Variants in RCL1 observed in about 807,000 individuals in gnomAD.
RCL1 encodes the protein RNA 3'-terminal phosphate cyclase-like protein.
RCL1 carries 24 observed loss-of-function variants against 42.4 expected under a neutral mutation model. The ratio of observed to expected loss-of-function variants is 0.57; its 90% CI spans 0.41 to 0.80. RCL1 has a LOEUF of 0.80. Among genes scored for constraint, RCL1 ranks in the 30% least tolerant of loss-of-function variants. RCL1 has a pLI of 0.00. For synonymous variants in RCL1, 228 were observed against 177.3 expected, an observed-to-expected ratio of 1.29 and a Z score of -2.27; for missense variants, 578 against 467.9, an observed-to-expected ratio of 1.24 and a Z score of -2.17.
chr9:4,822,407 C>G (rs1816624216), intron 1 of RCL1, among the ~76,000 whole-genome samples: 1 of 152,170 alleles, frequency 6.6e-6, no homozygotes. Flanking sequence ...AAGATTAGCT[C>G]AGGGGAAGGA....
intron 7 of RCL1, among the ~76,000 whole-genome samples, chr9:4,846,834 G>A (rs114478735): frequency 0.018 from 2,780 of 152,116 alleles, 85 homozygotes; most frequent in African/African-American, 0.064. Flanking sequence ...CAGGGTAAAA[G>A]CACCTACCAC....
At chr9:4,800,211 C>CT (rs370374521) in intron 1 of RCL1, among the ~76,000 whole-genome samples, 45 of 145,972 alleles carry the variant, frequency 3.1e-4, no homozygotes, top group Admixed American at 5.5e-4. Flanking sequence ...ACAGGTTTTT[C>CT]TTTTTTTTTT....
intron 1 of RCL1, among the ~76,000 whole-genome samples, chr9:4,812,095 A>G (rs973703357): frequency 6.6e-6 from 1 of 152,172 alleles, no homozygotes; most frequent in African/African-American, 2.4e-5. Context: ...TCTGGTTATT[A>G]ATCCCTTGTT....
intron 1 of RCL1, among the ~76,000 whole-genome samples, chr9:4,819,169 C>T (rs985913971): frequency 4.6e-5 from 7 of 152,196 alleles, no homozygotes; most frequent in Non-Finnish European, 7.4e-5. Context: ...CCAGACAGGG[C>T]AGGGTTGGCA....
intron 1 of RCL1, among the ~76,000 whole-genome samples, chr9:4,794,751 T>G (rs1344108527): frequency 6.6e-6 from 1 of 152,116 alleles, no homozygotes; most frequent in Non-Finnish European, 1.5e-5. Flanking sequence ...TCCAATTTAA[T>G]ATTTAATGTT....
At chr9:4,826,787 C>T in intron 2 of RCL1, 71 bp from the exon 3 acceptor site, 1 of 1,352,774 alleles carries the variant, frequency 7.4e-7, no homozygotes, top group Non-Finnish European at 1.0e-6. Flanking sequence ...TTGGAACTCA[C>T]TGCCTTCATT....
intron 2 of RCL1, among the ~76,000 whole-genome samples, chr9:4,824,034 G>A (rs1816680346): frequency 2.0e-5 from 3 of 152,138 alleles, no homozygotes; most frequent in Non-Finnish European, 4.4e-5. Flanking sequence ...TTAGAAGACT[G>A]AAAATTTCAG....
At chr9:4,841,469 A>G in intron 6 of RCL1, 112 bp downstream of exon 6, 1 of 846,236 alleles carries the variant, frequency 1.2e-6, no homozygotes, top group African/African-American at 1.7e-5. Context: ...GAACAATTTC[A>G]GAATTAATTT....
intron 5 of RCL1, among the ~76,000 whole-genome samples, chr9:4,840,099 A>G (rs950279121): frequency 1.4e-4 from 22 of 152,004 alleles, no homozygotes; most frequent in African/African-American, 4.6e-4. Context: ...AGCATGAGGA[A>G]GATTGGTCTT....
At chr9:4,806,799 T>G (rs1391521344) in intron 1 of RCL1, among the ~76,000 whole-genome samples, 2 of 152,208 alleles carry the variant, frequency 1.3e-5, no homozygotes, top group Non-Finnish European at 2.9e-5. Context: ...TTGGAAAGTT[T>G]CCTGTTTTCT....
intron 1 of RCL1, among the ~76,000 whole-genome samples, chr9:4,812,999 C>G (rs1201798205): frequency 6.6e-6 from 1 of 152,092 alleles, no homozygotes; most frequent in Admixed American, 6.6e-5. Flanking sequence ...TATATAAGAT[C>G]ATGTTGTCTG....
chr9:4,829,041 T>A (rs1476978960), intron 3 of RCL1, among the ~76,000 whole-genome samples: 2 of 152,236 alleles, frequency 1.3e-5, no homozygotes, highest in African/African-American at 4.8e-5. Context: ...ATCTACTCTC[T>A]GTGTACAAGG....
intron 1 of RCL1, among the ~76,000 whole-genome samples, chr9:4,800,793 C>A (rs1193433449): frequency 1.3e-5 from 2 of 151,706 alleles, no homozygotes; most frequent in East Asian, 3.9e-4. Flanking sequence ...GCTGGGATTA[C>A]AGGTGTGCAC....
Position 4,793,053 on chromosome 9 carries a change from C to G in RCL1, c.-39C>G, listed in dbSNP as rs749996839. 3.0e-5 allele frequency: 47 copies of G among 1,583,038 alleles called. No homozygotes were observed. The South Asian group carries it at 5.1e-4, about 17-fold the overall frequency. ...GAGTCCCGCGTCTGTCCGAAGTCGC[C>G]GCTCTCGGGCTGCTCACGTCTCTTC... On this transcript the variant is annotated 5_prime_UTR_variant, in exon 1 of 9. Transcript: ENST00000381750.
chr9:4,847,806 T>C (rs543893044), intron 7 of RCL1, among the ~76,000 whole-genome samples: 1 of 152,334 alleles, frequency 6.6e-6, no homozygotes, highest in African/African-American at 2.4e-5. Flanking sequence ...AGTGGTGCCT[T>C]CCAGGCTGGT....
At chr9:4,852,798 G>A (rs1401551352) in intron 8 of RCL1, among the ~76,000 whole-genome samples, 1 of 151,312 alleles carries the variant, frequency 6.6e-6, no homozygotes, top group Non-Finnish European at 1.5e-5. Flanking sequence ...GCTCCTTGAG[G>A]AGCAGGACTA....
At chr9:4,836,807 T>A (rs1436941792) in intron 5 of RCL1, 1 of 152,378 alleles carries the variant, frequency 6.6e-6, no homozygotes, top group Non-Finnish European at 1.5e-5. Flanking sequence ...TGCAGAGCCA[T>A]GTGCAGAGAG....
chr9:4,804,635 C>T (rs572344913), intron 1 of RCL1: 56 of 153,362 alleles, frequency 3.7e-4, no homozygotes, highest in South Asian at 2.6e-3. Flanking sequence ...AGGAGGCCTC[C>T]GCCGGTGTTG....
chr9:4,800,216 T>G (rs143809490), intron 1 of RCL1, among the ~76,000 whole-genome samples: 16 of 152,086 alleles, frequency 1.1e-4, no homozygotes, highest in Admixed American at 6.5e-5. Flanking sequence ...TTTTTCTTTT[T>G]TTTTTTATTT....
Sources: allele counts gnomAD v4.1 joint callset (sites outside exome capture counted in the v4.1 genomes callset), GRCh38; gene constraint gnomAD v4.1.1; transcripts MANE v1.5; gene names NCBI Gene and HGNC (gene_info 2026-07-23, HGNC 2026-07-21).